The following GABBR2 variants were observed in gnomAD, a reference collection of about 807,000 sequenced individuals.
The protein encoded by GABBR2 is gamma-aminobutyric acid type B receptor subunit 2, also known as G-protein coupled receptor 51.
A neutral mutation model predicts 105.6 loss-of-function variants in GABBR2; 23 were observed. The observed-to-expected ratio is 0.22, with a 90% CI of 0.16 to 0.31. The LOEUF is 0.31. GABBR2 is among the 10% of genes least tolerant of loss of function. The pLI is 1.00. For missense variants in GABBR2, 734 were observed against 1,245.5 expected (o/e 0.59, Z 6.18); for synonymous variants, 478 against 499.7 (o/e 0.96, Z 0.58).
intron 2 of GABBR2, among the ~76,000 whole-genome samples, chr9:98,543,639 GT>G (rs1828347749): frequency 6.6e-6 from 1 of 152,184 alleles, no homozygotes; most frequent in Non-Finnish European, 1.5e-5. Flanking sequence ...GTGACTACAG[GT>G]GTGCTATCGC....
chr9:98,315,413 C>T (rs185576925), intron 13 of GABBR2, among the ~76,000 whole-genome samples: 2 of 152,332 alleles, frequency 1.3e-5, no homozygotes, highest in African/African-American at 4.8e-5. Flanking sequence ...TCAGAGGTTA[C>T]GGTGGCAGGG....
At chr9:98,673,317 C>T (rs1041919762) in intron 1 of GABBR2, among the ~76,000 whole-genome samples, 2 of 152,142 alleles carry the variant, frequency 1.3e-5, no homozygotes. Flanking sequence ...AATAGATAAT[C>T]GCCTCGTGCA....
At chr9:98,557,022 C>A (rs1049641370) in intron 2 of GABBR2, among the ~76,000 whole-genome samples, 13 of 152,166 alleles carry the variant, frequency 8.5e-5, no homozygotes, top group African/African-American at 3.1e-4. Flanking sequence ...TCAGCTTGGG[C>A]AACCCAGCAA....
At chr9:98,522,496 CTT>C (rs1265486643) in intron 3 of GABBR2, among the ~76,000 whole-genome samples, 2 of 151,990 alleles carry the variant, frequency 1.3e-5, no homozygotes, top group African/African-American at 4.8e-5. Flanking sequence ...GACTAAAAAA[CTT>C]TATCTCCAAA....
At chr9:98,416,329 G>A (rs937786487) in intron 7 of GABBR2, among the ~76,000 whole-genome samples, 1 of 152,154 alleles carries the variant, frequency 6.6e-6, no homozygotes. Flanking sequence ...AGAAACAAGC[G>A]AGGAGGCCAC....
At chr9:98,561,506 G>A (rs953352578) in intron 2 of GABBR2, among the ~76,000 whole-genome samples, 2 of 151,864 alleles carry the variant, frequency 1.3e-5, no homozygotes, top group African/African-American at 4.9e-5. Context: ...ACAGAAAGAA[G>A]CAGGAGGAGG....
At chr9:98,393,187 T>TCCATCCATCCATCC (rs1832223152) in intron 9 of GABBR2, among the ~76,000 whole-genome samples, 5 of 38,502 alleles carry the variant, frequency 1.3e-4, no homozygotes, top group African/African-American at 6.6e-4. Flanking sequence ...TCCATCCATC[T>TCCATCCATCCATCC]ATCCATCCAC....
Position 98,306,292 on chromosome 9 carries a change from G to A in GABBR2, c.2058C>T (p.Leu686=), listed in dbSNP as rs1162481197. ...TCATCCCGATGTACTTGCTGTCGTT[G>A]AGTGCGGGGATGCTGACGTTGCGGG... ...WETRNVSIPA[L]NDSKYIGMSV... is the part of the protein sequence containing the mutation. Residue 686 remains leucine (L), a synonymous_variant, in exon 15 of 19, where the codon CTC becomes CTT. Transcript: ENST00000259455. The surrounding 1 kb of genome is among the most constrained non-coding windows in gnomAD (Gnocchi z 5.4). 1 of 1,614,056 alleles carries A rather than the reference G, an allele frequency of 6.2e-7. No homozygotes were observed. Among genetic ancestry groups the A allele is most frequent in the African/African-American group, 1.3e-5 (1 of 74,944 alleles).
intron 1 of GABBR2, among the ~76,000 whole-genome samples, chr9:98,649,378 C>G (rs1830073806): frequency 6.6e-6 from 1 of 152,146 alleles, no homozygotes; most frequent in Non-Finnish European, 1.5e-5. Flanking sequence ...AGTGGTCACC[C>G]AGTTTCGCCC....
intron 6 of GABBR2, among the ~76,000 whole-genome samples, chr9:98,461,223 A>G (rs879285819): frequency 2.6e-5 from 4 of 152,208 alleles, no homozygotes; most frequent in Non-Finnish European, 5.9e-5. Context: ...TAGGAAGTGT[A>G]AATGTGTTAG....
At chr9:98,513,167 A>G (rs1444505687) in intron 3 of GABBR2, among the ~76,000 whole-genome samples, 3 of 152,194 alleles carry the variant, frequency 2.0e-5, no homozygotes, top group Non-Finnish European at 2.9e-5. Flanking sequence ...AGGATTCCCT[A>G]TTTAATAAAT....
At chr9:98,644,750 T>C (rs1053354109) in intron 1 of GABBR2, among the ~76,000 whole-genome samples, 2 of 152,144 alleles carry the variant, frequency 1.3e-5, no homozygotes, top group African/African-American at 4.8e-5. Flanking sequence ...GAAAATTGCT[T>C]GAACCTTGGA....
intron 7 of GABBR2, among the ~76,000 whole-genome samples, chr9:98,408,936 A>T (rs142592223): frequency 1.1e-3 from 165 of 152,258 alleles, no homozygotes; most frequent in African/African-American, 3.8e-3. Flanking sequence ...ACATCATTAC[A>T]CCCAGGTAAT....
chr9:98,596,317 A>G (rs1829233079), intron 1 of GABBR2, among the ~76,000 whole-genome samples: 1 of 152,216 alleles, frequency 6.6e-6, no homozygotes, highest in Non-Finnish European at 1.5e-5. Context: ...TAGCTGTTCC[A>G]TGTACTGCCT....
At chr9:98,577,436 C>T (rs1008391336) in intron 2 of GABBR2, among the ~76,000 whole-genome samples, 8 of 152,174 alleles carry the variant, frequency 5.3e-5, no homozygotes, top group African/African-American at 9.7e-5. Context: ...AAGACTTAAC[C>T]GAGGACAAAG....
At chr9:98,427,304 A>T (rs1367601462) in intron 7 of GABBR2, among the ~76,000 whole-genome samples, 2 of 152,146 alleles carry the variant, frequency 1.3e-5, no homozygotes, top group Non-Finnish European at 2.9e-5. Flanking sequence ...GGGCGTCCTC[A>T]TTCCCATTTA....
At chr9:98,558,910 A>C (rs927426365) in intron 2 of GABBR2, among the ~76,000 whole-genome samples, 1 of 152,196 alleles carries the variant, frequency 6.6e-6, no homozygotes, top group African/African-American at 2.4e-5. Flanking sequence ...TCTTCGTAGA[A>C]ACTGAAAACA....
chr9:98,667,848 C>A (rs901312862), intron 1 of GABBR2, among the ~76,000 whole-genome samples: 3 of 152,216 alleles, frequency 2.0e-5, no homozygotes, highest in Non-Finnish European at 4.4e-5. Flanking sequence ...CACCTCAATC[C>A]CTTTTGCTGG....
intron 3 of GABBR2, among the ~76,000 whole-genome samples, chr9:98,520,383 G>A (rs1056345435): frequency 3.9e-5 from 6 of 152,236 alleles, no homozygotes; most frequent in Admixed American, 3.3e-4. Flanking sequence ...ATTCATAGGT[G>A]CCTGTGATGG....
Sources: allele counts gnomAD v4.1 joint callset (sites outside exome capture counted in the v4.1 genomes callset), GRCh38; gene constraint gnomAD v4.1.1; non-coding constraint Gnocchi (gnomAD v3.1); transcripts MANE v1.5; gene names NCBI Gene and HGNC (gene_info 2026-07-23, HGNC 2026-07-21).